Variants in CDH12 observed in about 807,000 individuals in gnomAD.
CDH12 encodes cadherin-12.
CDH12 carries 41 observed loss-of-function variants against 74.1 expected under a neutral mutation model. That is an observed-to-expected ratio of 0.55 (90% CI 0.43 to 0.72). The LOEUF is 0.72. Among genes scored for constraint, CDH12 ranks in the 30% least tolerant of loss-of-function variants. CDH12 has a pLI of 0.00. For missense variants in CDH12, 945 were observed against 977.2 expected (o/e 0.97, Z 0.44); for synonymous variants, 399 against 355.0 (o/e 1.12, Z -1.39).
intron 3 of CDH12, among the ~76,000 whole-genome samples, chr5:22,378,939 C>T (rs1561358641): frequency 6.6e-6 from 1 of 152,036 alleles, no homozygotes; most frequent in Non-Finnish European, 1.5e-5. Flanking sequence ...AAATACAATG[C>T]AGTGAATGTT....
At chr5:22,315,283 C>T (rs902543799) in intron 3 of CDH12, among the ~76,000 whole-genome samples, 1 of 151,644 alleles carries the variant, frequency 6.6e-6, no homozygotes, top group Non-Finnish European at 1.5e-5. Context: ...TTCTTTTACA[C>T]AAGAGAAAAG....
intron 1 of CDH12, among the ~76,000 whole-genome samples, chr5:22,655,893 C>T (rs922891585): frequency 6.6e-6 from 1 of 152,094 alleles, no homozygotes; most frequent in African/African-American, 2.4e-5. Context: ...TACTTCTATA[C>T]AGAACATTAT....
In CDH12 at chr5:22,736,216, C is replaced by A. The variant is rs140037572; in HGVS notation, c.-523+116842G>T. 9.2e-3 allele frequency among the ~76,000 whole-genome samples: 1,393 copies of A among 151,714 alleles called. 7 individuals are homozygous for A. The highest frequency in any genetic ancestry group is 0.016 in the Non-Finnish European group (1,089 of 67,750). ...CTAACTCACATTAACAAATTTTAAA[C>A]CATTAATTAATTAGTGTATACTTTA... On this transcript the variant is annotated intron_variant, in intron 1 of 14. Coordinates refer to ENST00000382254, the MANE Select transcript of CDH12 (RefSeq NM_004061.5).
At chr5:22,285,634 T>C (rs988003104) in intron 3 of CDH12, among the ~76,000 whole-genome samples, 2 of 152,182 alleles carry the variant, frequency 1.3e-5, no homozygotes, top group African/African-American at 2.4e-5. Context: ...TATGGCATTA[T>C]ACAAACCCTA....
At chr5:22,423,967 C>A (rs1239771881) in intron 2 of CDH12, among the ~76,000 whole-genome samples, 73 of 122,614 alleles carry the variant, frequency 6.0e-4, no homozygotes, top group Middle Eastern at 0.012. Flanking sequence ...CCCGCCACTG[C>A]ACTCCAGCCT....
At chr5:22,806,074 T>G (rs1250339484) in intron 1 of CDH12, among the ~76,000 whole-genome samples, 3 of 152,104 alleles carry the variant, frequency 2.0e-5, no homozygotes, top group Non-Finnish European at 2.9e-5. Flanking sequence ...AGCGTTTGAG[T>G]TGGTTCCAAG....
chr5:22,644,532 A>G (rs1739333711), intron 1 of CDH12, among the ~76,000 whole-genome samples: 1 of 152,060 alleles, frequency 6.6e-6, no homozygotes, highest in Non-Finnish European at 1.5e-5. Context: ...AAAATTTTTA[A>G]AAAATGAAGC....
intron 3 of CDH12, among the ~76,000 whole-genome samples, chr5:22,387,007 T>C (rs1006522995): frequency 1.3e-5 from 2 of 151,974 alleles, no homozygotes; most frequent in African/African-American, 4.8e-5. Context: ...TCAATACGAA[T>C]AGAATCATTT....
chr5:21,860,364 A>G (rs1257453908), intron 6 of CDH12, among the ~76,000 whole-genome samples: 1 of 151,890 alleles, frequency 6.6e-6, no homozygotes, highest in East Asian at 1.9e-4. Flanking sequence ...TGTAATTATG[A>G]CCTTATTGTT....
chr5:22,675,224 G>A lies in CDH12; in HGVS notation c.-522-169860C>T, dbSNP rs548351340. Among the ~76,000 whole-genome samples the A allele has an allele frequency of 5.3e-4, 81 of 152,244 alleles. No homozygotes were observed. The South Asian group carries it at 0.014, about 27-fold the overall frequency. Reference sequence around the variant, plus strand: ...TGTGCTGGGCGCAGTCTAGGGACTTGGTGTCTTGCTTCCCAGCTGTTCCAG... The same window carrying A: ...TGTGCTGGGCGCAGTCTAGGGACTTAGTGTCTTGCTTCCCAGCTGTTCCAG... On this transcript the variant is annotated intron_variant, in intron 1 of 14. Transcript: ENST00000382254.
At chr5:22,382,405 C>A (rs913509840) in intron 3 of CDH12, among the ~76,000 whole-genome samples, 1 of 151,478 alleles carries the variant, frequency 6.6e-6, no homozygotes, top group Non-Finnish European at 1.5e-5. Context: ...CCAGAGGCAC[C>A]CAGTGTCACA....
chr5:22,028,685 C>T (rs1580135765), intron 5 of CDH12, among the ~76,000 whole-genome samples: 1 of 152,194 alleles, frequency 6.6e-6, no homozygotes, highest in Admixed American at 6.5e-5. Context: ...GGCCATACTG[C>T]CCAAGGTAAT....
At chr5:21,844,497 G>A (rs1027955903) in intron 7 of CDH12, among the ~76,000 whole-genome samples, 6 of 152,158 alleles carry the variant, frequency 3.9e-5, no homozygotes, top group African/African-American at 9.7e-5. Context: ...CTCTGTCTAA[G>A]TTCTACATAC....
Position 21,876,688 on chromosome 5 carries a change from C to G in CDH12, c.527-21898G>C, listed in dbSNP as rs75031814. Among the ~76,000 whole-genome samples, 770 of 151,410 alleles carry G rather than the reference C, an allele frequency of 5.1e-3. 10 individuals are homozygous for G. Among genetic ancestry groups the G allele is most frequent in the African/African-American group, 0.018 (726 of 41,442 alleles). On this transcript the variant is annotated intron_variant, in intron 6 of 14. Transcript: ENST00000382254. ...TTGCTTGTCTTAACCTACAATCCAC[C>G]TGTTGCTTCAGCCACATTTGTCTTT... is the stretch of plus-strand genomic sequence containing the variant.
chr5:22,470,523 A>G (rs1007498546), intron 2 of CDH12, among the ~76,000 whole-genome samples: 2 of 151,912 alleles, frequency 1.3e-5, no homozygotes, highest in Admixed American at 6.6e-5. Flanking sequence ...AGCTCAAGCA[A>G]TCTCCCCGCA....
chr5:22,470,051 G>A (rs1396492549), intron 2 of CDH12, among the ~76,000 whole-genome samples: 3 of 152,116 alleles, frequency 2.0e-5, no homozygotes, highest in Non-Finnish European at 4.4e-5. Context: ...CCTGGCAGAG[G>A]TGAAAAGTCA....
At position 21,940,179 on chromosome 5, in the gene CDH12, A is replaced by G. The variant is rs565760709; in HGVS notation, c.526+34912T>C. Among the ~76,000 whole-genome samples the G allele has an allele frequency of 5.1e-3, 770 of 152,284 alleles. 3 individuals are homozygous for G. Among genetic ancestry groups the G allele is most frequent in the Admixed American group, 6.7e-3 (103 of 15,294 alleles). On this transcript the variant is annotated intron_variant, in intron 6 of 14. Coordinates refer to ENST00000382254, the MANE Select transcript of CDH12 (RefSeq NM_004061.5). Reference sequence around the variant, plus strand: ...GAGGCGGAAGCTGCACTGAGCCAAGATCACGCCATTGCCCTCCATCCTGGG... The same window carrying G: ...GAGGCGGAAGCTGCACTGAGCCAAGGTCACGCCATTGCCCTCCATCCTGGG...
At chr5:21,754,581 G>A (rs951919249) in intron 14 of CDH12, among the ~76,000 whole-genome samples, 1 of 152,060 alleles carries the variant, frequency 6.6e-6, no homozygotes, top group Admixed American at 6.5e-5. Flanking sequence ...CACCTTCTAC[G>A]TCAGCATGAA....
chr5:22,215,717 C>A (rs2150365904), intron 3 of CDH12, among the ~76,000 whole-genome samples: 1 of 152,212 alleles, frequency 6.6e-6, no homozygotes, highest in South Asian at 2.1e-4. Flanking sequence ...AATGTAATAG[C>A]AAAGCTCAAA....
Sources: gnomAD v4.1 joint callset for allele counts (sites outside exome capture counted in the v4.1 genomes callset) on GRCh38, gnomAD v4.1.1 for gene constraint, MANE v1.5 for transcripts, NCBI Gene and HGNC (gene_info 2026-07-23, HGNC 2026-07-21) for gene names.